MTUS2: variants seen among roughly 807,000 people sequenced by gnomAD.
The protein encoded by MTUS2 is microtubule associated scaffold protein 2.
A neutral mutation model predicts 114.1 loss-of-function variants in MTUS2; 40 were observed. The observed-to-expected ratio is 0.35, with a 90% CI of 0.27 to 0.46. The LOEUF is 0.46. Among genes scored for constraint, MTUS2 ranks in the 20% least tolerant of loss-of-function variants. MTUS2 has a pLI of 1.00. For missense variants in MTUS2, 1,679 were observed against 1,705.4 expected (o/e 0.98, Z 0.27); for synonymous variants, 688 against 672.0 (o/e 1.02, Z -0.37).
At chr13:28,997,095 T>C (rs1419092386) in intron 2 of MTUS2, among the ~76,000 whole-genome samples, 1 of 152,260 alleles carries the variant, frequency 6.6e-6, no homozygotes, top group Non-Finnish European at 1.5e-5. Context: ...GTATGTTGTG[T>C]CTTTGTTCTC....
At chr13:28,959,395 G>A (rs1345590637) in intron 2 of MTUS2, among the ~76,000 whole-genome samples, 4 of 152,154 alleles carry the variant, frequency 2.6e-5, no homozygotes, top group Admixed American at 6.5e-5. Context: ...CAATGAGGTC[G>A]CATACCCCTT....
At chr13:29,132,902 G>A (rs1891825611) in intron 5 of MTUS2, among the ~76,000 whole-genome samples, 1 of 152,126 alleles carries the variant, frequency 6.6e-6, no homozygotes, top group Admixed American at 6.6e-5. Flanking sequence ...AGATGATGTG[G>A]TAATTCTATT....
At chr13:29,155,170 T>A (rs985221134) in intron 5 of MTUS2, among the ~76,000 whole-genome samples, 1 of 152,238 alleles carries the variant, frequency 6.6e-6, no homozygotes, top group African/African-American at 2.4e-5. Flanking sequence ...TTGAAAGGTT[T>A]ACCTGTATTT....
intron 10 of MTUS2, among the ~76,000 whole-genome samples, chr13:29,487,274 A>G (rs775683304): frequency 2.0e-4 from 30 of 152,198 alleles, no homozygotes; most frequent in Non-Finnish European, 2.2e-4. Flanking sequence ...ACACAAAACA[A>G]CAGTGCATTA....
intron 9 of MTUS2, among the ~76,000 whole-genome samples, chr13:29,473,471 T>C (rs1880464240): frequency 6.6e-6 from 1 of 152,212 alleles, no homozygotes; most frequent in African/African-American, 2.4e-5. Flanking sequence ...GTCTTATAAA[T>C]GGTTCCAACA....
At chr13:28,968,397 TA>T (rs1357865176) in intron 2 of MTUS2, among the ~76,000 whole-genome samples, 3 of 152,198 alleles carry the variant, frequency 2.0e-5, no homozygotes, top group Admixed American at 6.5e-5. Context: ...GCAAAATTTT[TA>T]AAAAGTGTAG....
chr13:29,465,496 C>G (rs919052588), intron 9 of MTUS2, among the ~76,000 whole-genome samples: 9 of 152,202 alleles, frequency 5.9e-5, no homozygotes, highest in Non-Finnish European at 1.2e-4. Context: ...GCATTTAACA[C>G]CAGGTAATCG....
intron 5 of MTUS2, among the ~76,000 whole-genome samples, chr13:29,197,600 T>G (rs1354200826): frequency 6.6e-6 from 1 of 152,210 alleles, no homozygotes; most frequent in Non-Finnish European, 1.5e-5. Flanking sequence ...CTGGGTCAAA[T>G]GGTATTTCTG....
rs1388448477 is a variant in MTUS2 at position 29,035,503 on chromosome 13, C to T, written c.2446+1378C>T. Reference sequence around the variant, plus strand: ...TGGTCACTTGGCCGATTGCAGGCAGCAGGCCCTTTCCCTTGTCAGACAGCT... The same window carrying T: ...TGGTCACTTGGCCGATTGCAGGCAGTAGGCCCTTTCCCTTGTCAGACAGCT... On this transcript the variant is annotated intron_variant, in intron 4 of 15. Transcript: ENST00000612955. 2.0e-5 allele frequency among the ~76,000 whole-genome samples: 3 copies of T among 152,350 alleles called. No individual in the cohort carries two copies. The East Asian group carries it at 5.8e-4, about 29-fold the overall frequency.
rs375171044 is a variant in MTUS2, at chr13:29,078,365, A to G, written c.2447-22408A>G. 1.7e-3 allele frequency among the ~76,000 whole-genome samples: 254 copies of G among 152,336 alleles called. 1 individual carries two copies. Among genetic ancestry groups the G allele is most frequent in the African/African-American group, 5.9e-3 (245 of 41,578 alleles). The stretch of plus-strand genomic sequence containing the variant: ...CATACAATAACAGACCAAGTTTTCT[A>G]TCTGACACAGGCCCTTTGAAAGTGA... On this transcript the variant is annotated intron_variant, in intron 4 of 15. Transcript: ENST00000612955.
intron 5 of MTUS2, among the ~76,000 whole-genome samples, chr13:29,145,475 G>A (rs1311995536): frequency 6.6e-6 from 1 of 152,114 alleles, no homozygotes; most frequent in Non-Finnish European, 1.5e-5. Flanking sequence ...AACCGAGATT[G>A]TGCCACTGCA....
Position 29,406,328 on chromosome 13 carries a change from A to G in MTUS2, c.3118-33655A>G, listed in dbSNP as rs140100833. Among the ~76,000 whole-genome samples the G allele has an allele frequency of 3.1e-3, 475 of 152,298 alleles. 1 individual carries two copies. The highest frequency in any genetic ancestry group is 0.011 in the African/African-American group (456 of 41,574). Reference sequence around the variant, plus strand: ...TGGCGATTCTGGCTCAGGATTGCTCACAAGGTCAGGCTGTTGTCAGAAGCT... The same window carrying G: ...TGGCGATTCTGGCTCAGGATTGCTCGCAAGGTCAGGCTGTTGTCAGAAGCT... On this transcript the variant is annotated intron_variant, in intron 8 of 15. Transcript: ENST00000612955.
intron 6 of MTUS2, among the ~76,000 whole-genome samples, chr13:29,315,442 A>G (rs749249250): frequency 6.6e-6 from 1 of 152,230 alleles, no homozygotes; most frequent in Admixed American, 6.5e-5. Flanking sequence ...ATACATATGT[A>G]CAATTACTAT....
At chr13:29,218,801 G>A (rs1895785527) in intron 5 of MTUS2, among the ~76,000 whole-genome samples, 1 of 152,162 alleles carries the variant, frequency 6.6e-6, no homozygotes, top group Non-Finnish European at 1.5e-5. Flanking sequence ...AGTAAATCAT[G>A]CTGTAAATAG....
chr13:29,400,363 A>G (rs976932351), intron 8 of MTUS2, among the ~76,000 whole-genome samples: 1 of 152,236 alleles, frequency 6.6e-6, no homozygotes, highest in Non-Finnish European at 1.5e-5. Context: ...GGGGCAACAA[A>G]GAAGAAATAA....
intron 7 of MTUS2, among the ~76,000 whole-genome samples, chr13:29,354,159 G>A (rs1006834004): frequency 1.3e-4 from 20 of 150,514 alleles, no homozygotes; most frequent in African/African-American, 4.7e-4. Context: ...CACCTTGTTT[G>A]TTTTCTGACT....
intron 5 of MTUS2, among the ~76,000 whole-genome samples, chr13:29,182,164 G>A (rs949992744): frequency 6.6e-6 from 1 of 152,096 alleles, no homozygotes; most frequent in Non-Finnish European, 1.5e-5. Context: ...TGAGCCTGAG[G>A]GTAAGTTCTA....
chr13:28,942,505 A>G (rs1188242292), intron 2 of MTUS2, among the ~76,000 whole-genome samples: 1 of 152,258 alleles, frequency 6.6e-6, no homozygotes, highest in Non-Finnish European at 1.5e-5. Flanking sequence ...ATCAAAAGAC[A>G]TATACAAGAA....
chr13:29,451,975 C>T (rs935345498), intron 9 of MTUS2, among the ~76,000 whole-genome samples: 1 of 152,192 alleles, frequency 6.6e-6, no homozygotes, highest in Non-Finnish European at 1.5e-5. Flanking sequence ...ATGACTAGGT[C>T]TGGGAATTAC....
Sources: allele counts gnomAD v4.1 joint callset (sites outside exome capture counted in the v4.1 genomes callset), GRCh38; gene constraint gnomAD v4.1.1; transcripts MANE v1.5; gene names NCBI Gene and HGNC (gene_info 2026-07-23, HGNC 2026-07-21).